The following ZC3HC1 variants were observed in gnomAD, a reference collection of about 807,000 sequenced individuals.
ZC3HC1 encodes the protein zinc finger C3HC-type containing 1.
ZC3HC1 carries 38 observed loss-of-function variants against 61.9 expected under a neutral mutation model. The observed-to-expected ratio is 0.61, with a 90% CI of 0.47 to 0.81. The LOEUF (loss-of-function observed/expected upper bound fraction) is 0.81, where lower values mean the gene tolerates loss of function less well. ZC3HC1 is among the 30% of genes least tolerant of loss of function. The probability of loss-of-function intolerance (pLI) is 0.00; values close to 1 mark genes in which losing one functional copy is unlikely to be tolerated. For missense variants in ZC3HC1, 554 were observed against 622.7 expected, an observed-to-expected ratio of 0.89 and a Z score of 1.17; for synonymous variants, 213 against 229.9, an observed-to-expected ratio of 0.93 and a Z score of 0.67.
chr7:130,050,288 A>T (rs952349751), intron 1 of ZC3HC1, among the ~76,000 whole-genome samples: 1 of 152,048 alleles, frequency 6.6e-6, no homozygotes, highest in Non-Finnish European at 1.5e-5. Flanking sequence ...CGTGTTAGCC[A>T]GGATGGTCTT....
intron 9 of ZC3HC1, among the ~76,000 whole-genome samples, chr7:130,020,233 T>C (rs1169027716): frequency 6.6e-6 from 1 of 152,078 alleles, no homozygotes; most frequent in East Asian, 1.9e-4. Context: ...AGTGACAAAG[T>C]TGAAAGAAAC....
At chr7:130,025,273 C>T (rs753015946) in intron 6 of ZC3HC1, among the ~76,000 whole-genome samples, 18 of 150,474 alleles carry the variant, frequency 1.2e-4, no homozygotes, top group Admixed American at 4.0e-4. Context: ...CCAAAGAGAG[C>T]ATATTTAAAA....
intron 4 of ZC3HC1, among the ~76,000 whole-genome samples, chr7:130,038,775 G>T (rs976847342): frequency 6.7e-6 from 1 of 148,842 alleles, no homozygotes; most frequent in African/African-American, 2.5e-5. Context: ...CAGGAGAATC[G>T]CTTGAACCTC....
intron 9 of ZC3HC1, among the ~76,000 whole-genome samples, chr7:130,019,057 T>TC (rs1334745607): frequency 2.0e-5 from 3 of 149,200 alleles, no homozygotes; most frequent in Admixed American, 6.7e-5. Flanking sequence ...GGTTTTTCTT[T>TC]TTTTTTTTTT....
rs190558482 is a variant in ZC3HC1, at chr7:130,023,157, C to A, written c.1233+354G>T. The A allele has an allele frequency of 1.8e-3, 497 of 272,550 alleles. 5 individuals are homozygous for A. The highest frequency in any genetic ancestry group is 0.017 in the South Asian group (293 of 17,320). 16.9% of individuals were successfully genotyped at this position (272,550 alleles called of 1,614,324 possible). A position where few individuals can be genotyped will look rare whatever the true frequency, so the allele number is the denominator to read the frequency against. On this transcript the variant is annotated intron_variant, in intron 8 of 9. Transcript: ENST00000358303. This position sits in a 1 kb window ranked among gnomAD's most constrained non-coding sequence, Gnocchi z 4.2. ...AATACATGTAATGTGCTCGTATCAT[C>A]CCGAAACCATCCTCCCAACCGTGGT...
chr7:130,051,350 T>C lies in ZC3HC1; in HGVS notation c.17A>G (p.Glu6Gly), dbSNP rs1469896292. The C allele has an allele frequency of 1.2e-6, 2 of 1,612,728 alleles. No homozygotes were observed. Among genetic ancestry groups the C allele is most frequent in the Middle Eastern group, 1.6e-4 (1 of 6,080 alleles). ...AACCCCTACGGCAAACGCTTGTCCC[T>C]CACAGGGCGCCGCCATCTTGGTCCG... MAAPC[E>G]GQAFAVGVEK... Residue 6 changes from glutamate (E) to glycine (G), a missense_variant, in exon 1 of 10, where the codon GAG (glutamate) becomes GGG (glycine). Glu to Gly is a moderately conservative substitution (Grantham distance 98). Transcript: ENST00000358303.
Position 130,028,881 on chromosome 7 carries a change from GC to G in ZC3HC1, c.621+20del. The G allele has an allele frequency of 6.2e-7, 1 of 1,608,560 alleles. No individual in the cohort carries two copies. Among genetic ancestry groups the G allele is most frequent in the Non-Finnish European group, 8.5e-7 (1 of 1,176,930 alleles). Reference sequence around the variant, plus strand: ...CTGGCAACAACTGGAGGCCATTGCAGCCTAGTCAGGAAAAACTCACCATAGT... The same window carrying G: ...CTGGCAACAACTGGAGGCCATTGCAGCTAGTCAGGAAAAACTCACCATAGT... On this transcript the variant is annotated intron_variant, in intron 5 of 9. Transcript: ENST00000358303.
At chr7:130,026,498 A>G (rs1793916403) in intron 5 of ZC3HC1, 186 bp from the exon 6 acceptor site, 1 of 499,802 alleles carries the variant, frequency 2.0e-6, no homozygotes, top group Non-Finnish European at 3.4e-6. Flanking sequence ...AAGCTTTCTG[A>G]ATTGCCCTGA....
chr7:130,022,256 C>T, intron 9 of ZC3HC1, 63 bp downstream of exon 9: 1 of 1,601,942 alleles, frequency 6.2e-7, no homozygotes. Context: ...ATAGGCCCAG[C>T]CTCTGCTCCA....
intron 4 of ZC3HC1, among the ~76,000 whole-genome samples, chr7:130,037,660 A>G (rs772785276): frequency 2.3e-4 from 35 of 152,238 alleles, no homozygotes; most frequent in Middle Eastern, 3.4e-3. Context: ...CCTTTCATTG[A>G]TCAAAGGTAG....
intron 4 of ZC3HC1, chr7:130,036,660 A>T (rs897065583): frequency 6.6e-6 from 1 of 152,264 alleles, no homozygotes; most frequent in African/African-American, 2.4e-5. Context: ...CTTCAAAATT[A>T]TTAGTTTTGC....
At position 130,039,493 on chromosome 7, in the gene ZC3HC1, A is replaced by T. The variant is rs1476792060; in HGVS notation, c.464T>A (p.Phe155Tyr). Residue 155 changes from phenylalanine to tyrosine, a missense_variant, in exon 4 of 10, where the codon TTC (phenylalanine) becomes TAC (tyrosine). Phe to Tyr is a conservative substitution (Grantham distance 22, BLOSUM62 3). Transcript: ENST00000358303. ...GGATGGGCTGTCTGGCCAGAAACAG[A>T]ACTTCTCATGGGCAGTACACAAGGC... ...KKALCTAHEK[F>Y]CFWPDSPSPD... is the part of the protein sequence containing the mutation. 1 of 1,612,482 alleles carries T rather than the reference A, an allele frequency of 6.2e-7. No individual in the cohort carries two copies. Among genetic ancestry groups the T allele is most frequent in the African/African-American group, 1.3e-5 (1 of 74,844 alleles).
Position 130,029,065 on chromosome 7 carries a change from TAAACTGTA to T in ZC3HC1, c.494-44_494-37del, listed in dbSNP as rs772339706. 12 of 1,591,434 alleles carry T rather than the reference TAAACTGTA, an allele frequency of 7.5e-6. No individual in the cohort carries two copies. In the African/African-American group the frequency reaches 1.1e-4, roughly 14 times the overall value. ...AGTAAATTGGAAGATTATATTGGTG[TAAACTGTA>T]AAAAATAAAAAACACGGCTGGGCAT... On this transcript the variant is annotated intron_variant, in intron 4 of 9. Coordinates refer to ENST00000358303, the MANE Select transcript of ZC3HC1 (RefSeq NM_016478.5).
At position 130,024,512 on chromosome 7, in the gene ZC3HC1, T is replaced by A; in HGVS notation, c.777-6A>T. The A allele has an allele frequency of 6.3e-7, 1 of 1,594,928 alleles. No individual in the cohort carries two copies. Among genetic ancestry groups the A allele is most frequent in the South Asian group, 1.1e-5 (1 of 89,374 alleles). On this transcript the variant is annotated splice_region_variant and splice_polypyrimidine_tract_variant and intron_variant, in intron 6 of 9. Coordinates refer to ENST00000358303, the MANE Select transcript of ZC3HC1 (RefSeq NM_016478.5). ...GCATGGATTCCAAAGAGGAACTAGA[T>A]AGGAATGAAAAAGAGAGTTTTCTCA...
chr7:130,035,770 T>G (rs1794409011), intron 4 of ZC3HC1, among the ~76,000 whole-genome samples: 1 of 152,168 alleles, frequency 6.6e-6, no homozygotes, highest in Non-Finnish European at 1.5e-5. Flanking sequence ...GTGTGAGCCA[T>G]CACGCCTCGC....
Position 130,023,737 on chromosome 7 carries a change from GA to G in ZC3HC1, c.1021-15del, listed in dbSNP as rs756766270. ...GCTCTTTTCAGCCTGAAGGAAAGGG[GA>G]GATAATGGAAGTACACGAATGATAT... On this transcript the variant is annotated splice_polypyrimidine_tract_variant and intron_variant, in intron 7 of 9. Transcript: ENST00000358303. This position sits in a 1 kb window ranked among gnomAD's most constrained non-coding sequence, Gnocchi z 4.2. 5 of 1,596,488 alleles carry G rather than the reference GA, an allele frequency of 3.1e-6. No individual in the cohort carries two copies. In the African/African-American group the frequency reaches 4.0e-5, roughly 13 times the overall value.
intron 2 of ZC3HC1, chr7:130,045,604 TA>T: frequency 2.2e-6 from 1 of 447,136 alleles, no homozygotes; most frequent in Non-Finnish European, 4.5e-6. Context: ...CACTTTCCTT[TA>T]TAAGACATCA....
chr7:130,033,400 G>C (rs1176101561), intron 4 of ZC3HC1, among the ~76,000 whole-genome samples: 1 of 150,278 alleles, frequency 6.7e-6, no homozygotes, highest in Non-Finnish European at 1.5e-5. Context: ...CTTTAAGCTG[G>C]CTATTCTATT....
chr7:130,049,210 C>T, intron 1 of ZC3HC1, 66 bp from the exon 2 acceptor site: 1 of 1,151,704 alleles, frequency 8.7e-7, no homozygotes, highest in Non-Finnish European at 1.2e-6. Flanking sequence ...TGTTATCTAG[C>T]TTCTCTACAC....
Sources: allele counts gnomAD v4.1 joint callset (sites outside exome capture counted in the v4.1 genomes callset), GRCh38; gene constraint gnomAD v4.1.1; non-coding constraint Gnocchi (gnomAD v3.1); transcripts MANE v1.5; gene names NCBI Gene and HGNC (gene_info 2026-07-23, HGNC 2026-07-21).